The following IFT88 variants were observed in gnomAD, a reference collection of about 807,000 sequenced individuals.
IFT88 encodes intraflagellar transport protein 88 homolog.
A neutral mutation model predicts 119.5 loss-of-function variants in IFT88; 74 were observed. The observed-to-expected ratio is 0.62, with a 90% CI of 0.51 to 0.75. The LOEUF (loss-of-function observed/expected upper bound fraction) is 0.75. IFT88 is among the 30% of genes least tolerant of loss of function. The probability of loss-of-function intolerance (pLI) is 0.00; values close to 1 mark genes in which losing one functional copy is unlikely to be tolerated. For synonymous variants in IFT88, 279 were observed against 316.7 expected, an observed-to-expected ratio of 0.88 and a Z score of 1.26; for missense variants, 961 against 977.7, an observed-to-expected ratio of 0.98 and a Z score of 0.23.
In IFT88 at chr13:20,611,514, C is replaced by CAAAAA. The variant is rs56062553; in HGVS notation, c.1113-4256_1113-4252dup. On this transcript the variant is annotated intron_variant, in intron 13 of 25. Coordinates refer to ENST00000351808, the MANE Select transcript of IFT88 (RefSeq NM_006531.5). ...TGGGAGACAGAGCATGACCCAGTCT[C>CAAAAA]AAAAAAAAAAAAAAAAAAAAAAAAA... Among the ~76,000 whole-genome samples, 44 of 59,074 alleles carry CAAAAA rather than the reference C, an allele frequency of 7.4e-4. 2 individuals carry two copies. Among genetic ancestry groups the CAAAAA allele is most frequent in the Non-Finnish European group, 1.1e-3 (37 of 34,318 alleles). 38.8% of individuals were successfully genotyped at this position (59,074 alleles called of 152,430 possible).
Position 20,625,786 on chromosome 13 carries a change from G to C in IFT88, c.1236G>C (p.Glu412Asp). The C allele has an allele frequency of 6.2e-7, 1 of 1,605,128 alleles. No individual in the cohort carries two copies. The highest frequency in any genetic ancestry group is 8.5e-7 in the Non-Finnish European group (1 of 1,177,760). Residue 412 changes from glutamate (E) to aspartate (D), a missense_variant, in exon 15 of 26, where the codon GAG becomes GAC. Glu to Asp is a conservative substitution (Grantham distance 45). Coordinates refer to ENST00000351808, the MANE Select transcript of IFT88 (RefSeq NM_006531.5). The part of the protein sequence containing the change: ...VEVVKASQYV[E>D]LANDLEINKA... ...TGGTGAAAGCTTCTCAATATGTAGAGCTAGCCAATGATCTGGAAATAAACA... is the reference window on the plus strand; with the variant it reads ...TGGTGAAAGCTTCTCAATATGTAGACCTAGCCAATGATCTGGAAATAAACA...
intron 9 of IFT88, among the ~76,000 whole-genome samples, chr13:20,597,622 T>C (rs905221427): frequency 1.8e-4 from 28 of 151,828 alleles, no homozygotes; most frequent in Non-Finnish European, 4.0e-4. Flanking sequence ...CGGGCGCCTG[T>C]AGTCCCAGCT....
At chr13:20,684,350 G>T (rs2057654461) in intron 24 of IFT88, among the ~76,000 whole-genome samples, 1 of 152,174 alleles carries the variant, frequency 6.6e-6, no homozygotes, top group Admixed American at 6.5e-5. Flanking sequence ...TAATGAGGGG[G>T]TATAGAGGGG....
At chr13:20,581,093 A>C (rs2038551529) in intron 2 of IFT88, among the ~76,000 whole-genome samples, 1 of 152,174 alleles carries the variant, frequency 6.6e-6, no homozygotes, top group Admixed American at 6.5e-5. Flanking sequence ...GTGGCTGCAT[A>C]ATTTAATGTG....
At chr13:20,598,273 G>T (rs2480431) in intron 9 of IFT88, among the ~76,000 whole-genome samples, 32,429 of 151,898 alleles carry the variant, frequency 0.21, 4,056 homozygotes, top group African/African-American at 0.32. Flanking sequence ...AGATTCTTCT[G>T]ATAGACTTTA....
At chr13:20,669,554 G>A (rs2055420452) in intron 23 of IFT88, among the ~76,000 whole-genome samples, 1 of 151,678 alleles carries the variant, frequency 6.6e-6, no homozygotes, top group Admixed American at 6.6e-5. Context: ...CTCCAGAGTA[G>A]CTGAGATTAC....
chr13:20,572,515 G>A (rs1000512161), intron 1 of IFT88, among the ~76,000 whole-genome samples: 6 of 152,062 alleles, frequency 3.9e-5, no homozygotes, highest in Admixed American at 6.6e-5. Context: ...TACGGCGCCC[G>A]GCCTAAGCTG....
chr13:20,654,012 C>T, intron 21 of IFT88, 84 bp downstream of exon 21: 1 of 687,854 alleles, frequency 1.5e-6, no homozygotes, highest in Non-Finnish European at 2.5e-6. Flanking sequence ...GATCCAGTTG[C>T]ATATCTGTTT....
chr13:20,593,533 T>G, intron 7 of IFT88, among the ~76,000 whole-genome samples: 1 of 152,106 alleles, frequency 6.6e-6, no homozygotes, highest in Non-Finnish European at 1.5e-5. Flanking sequence ...TTTTTTTTGT[T>G]TCTTTTTTTT....
intron 23 of IFT88, among the ~76,000 whole-genome samples, chr13:20,670,443 C>A (rs576372033): frequency 9.3e-5 from 14 of 150,802 alleles, no homozygotes; most frequent in Non-Finnish European, 1.6e-4. Flanking sequence ...AGAAAGTAGA[C>A]TGTTGGACAG....
intron 24 of IFT88, among the ~76,000 whole-genome samples, chr13:20,675,078 TG>T (rs2056491167): frequency 6.6e-6 from 1 of 151,984 alleles, no homozygotes; most frequent in African/African-American, 2.4e-5. Flanking sequence ...ACAGTTTTGC[TG>T]GGGCCTGATG....
intron 2 of IFT88, among the ~76,000 whole-genome samples, chr13:20,577,425 C>T (rs1229121833): frequency 6.6e-6 from 1 of 152,074 alleles, no homozygotes; most frequent in African/African-American, 2.4e-5. Flanking sequence ...AGTGGTCATC[C>T]TTGGCATGTT....
chr13:20,677,975 C>T (rs2056883696), intron 24 of IFT88, among the ~76,000 whole-genome samples: 1 of 152,124 alleles, frequency 6.6e-6, no homozygotes, highest in South Asian at 2.1e-4. Flanking sequence ...TGATAGACTT[C>T]CTAGCTTAAG....
intron 9 of IFT88, 95 bp downstream of exon 9, chr13:20,597,214 G>A: frequency 1.7e-6 from 1 of 576,432 alleles, no homozygotes; most frequent in South Asian, 2.8e-5. Flanking sequence ...AAATCTTACT[G>A]GTCTTCAGGT....
Position 20,605,065 on chromosome 13 carries a change from G to A in IFT88, c.1072G>A (p.Ala358Thr), listed in dbSNP as rs1304225975. Reference sequence around the variant, plus strand: ...TCCTCATACTAACTTAGTAACTGAAGCTATAAAAAATGATCACCTCAGGCA... The same window carrying A: ...TCCTCATACTAACTTAGTAACTGAAACTATAAAAAATGATCACCTCAGGCA... ...DDPHTNLVTE[A>T]IKNDHLRQME... The change falls in exon 13 of 26, where the codon GCT (alanine) becomes ACT (threonine). Residue 358 changes from alanine (A) to threonine (T), a missense_variant. Ala to Thr is a moderately conservative substitution (Grantham distance 58). Coordinates refer to ENST00000351808, the MANE Select transcript of IFT88 (RefSeq NM_006531.5). The A allele has an allele frequency of 2.6e-6, 4 of 1,514,066 alleles. No homozygotes were observed. Among genetic ancestry groups the A allele is most frequent in the Non-Finnish European group, 3.7e-6 (4 of 1,092,618 alleles). The allele number at this position is 1,514,066 out of a possible 1,614,324, so 93.8% of individuals were successfully genotyped here. A position where few individuals can be genotyped will look rare whatever the true frequency, so the allele number is the denominator to read the frequency against.
At chr13:20,611,226 A>G (rs1165029582) in intron 13 of IFT88, among the ~76,000 whole-genome samples, 2 of 151,988 alleles carry the variant, frequency 1.3e-5, no homozygotes, top group Admixed American at 1.3e-4. Flanking sequence ...TTAAAAACAA[A>G]AAGTCCAACA....
intron 1 of IFT88, chr13:20,567,830 T>C: frequency 8.4e-7 from 1 of 1,184,748 alleles, no homozygotes; most frequent in Non-Finnish European, 1.1e-6. Context: ...ATTACACTTT[T>C]ACTAGTCCGA....
intron 24 of IFT88, among the ~76,000 whole-genome samples, chr13:20,678,092 A>G (rs1260311223): frequency 6.6e-6 from 1 of 152,256 alleles, no homozygotes; most frequent in Non-Finnish European, 1.5e-5. Context: ...AGCCTTAAAG[A>G]AAGCAGTCTC....
intron 24 of IFT88, among the ~76,000 whole-genome samples, chr13:20,674,379 G>A (rs1467234805): frequency 3.3e-5 from 5 of 152,172 alleles, no homozygotes; most frequent in Non-Finnish European, 5.9e-5. Context: ...CTGTCCTCAA[G>A]ACACAAGAAT....
Sources: gnomAD v4.1 joint callset for allele counts (sites outside exome capture counted in the v4.1 genomes callset) on GRCh38, gnomAD v4.1.1 for gene constraint, MANE v1.5 for transcripts, NCBI Gene and HGNC (gene_info 2026-07-23, HGNC 2026-07-21) for gene names.